DIAPH2: variants seen among roughly 807,000 people sequenced by gnomAD.
DIAPH2 encodes diaphanous related formin 2, also known as protein diaphanous homolog 2.
A neutral mutation model predicts 92.7 loss-of-function variants in DIAPH2; 35 were observed. The ratio of observed to expected loss-of-function variants is 0.38; its 90% CI spans 0.29 to 0.50. DIAPH2 has a LOEUF of 0.50. Among genes scored for constraint, DIAPH2 ranks in the 20% least tolerant of loss-of-function variants. DIAPH2 has a pLI of 0.94. For missense variants in DIAPH2, 701 were observed against 819.5 expected, an observed-to-expected ratio of 0.86 and a Z score of 1.77; for synonymous variants, 301 against 280.4, an observed-to-expected ratio of 1.07 and a Z score of -0.73.
At chrX:97,402,367 G>A (rs1472887639) in intron 25 of DIAPH2, among the ~76,000 whole-genome samples, 2 of 111,123 alleles carry the variant, frequency 1.8e-5, no homozygotes, top group African/African-American at 6.5e-5. Context: ...AACTGTTCAG[G>A]AACACATCTA....
rs2066965161 is a variant in DIAPH2, at chrX:97,109,540, TCTTTCCTGGGTTTA to T, written c.2350-5185_2350-5172del. ...GAGAATGCAGATAATTGTTTCCCCCTCTTTCCTGGGTTTAGAGAAAAAAATTCTCCTAAATCCTA... is the reference window on the plus strand; with the variant it reads ...GAGAATGCAGATAATTGTTTCCCCCTGAGAAAAAAATTCTCCTAAATCCTA... On this transcript the variant is annotated intron_variant, in intron 20 of 26. Coordinates refer to ENST00000324765, the MANE Select transcript of DIAPH2 (RefSeq NM_006729.5). Among the ~76,000 whole-genome samples the T allele has an allele frequency of 4.5e-5, 5 of 111,444 alleles. No homozygotes were observed. In the South Asian group the frequency reaches 1.9e-3, roughly 43 times the overall value.
intron 25 of DIAPH2, among the ~76,000 whole-genome samples, chrX:97,417,547 T>A (rs1402959181): frequency 9.0e-6 from 1 of 111,594 alleles, no homozygotes; most frequent in Non-Finnish European, 1.9e-5. Context: ...TGGTGTCACC[T>A]GCCTGTAATC....
At position 96,751,647 on chromosome X, in the gene DIAPH2, G is replaced by GTTTTTTTTTTTTTTTTTTTTT. The variant is rs1332024432; in HGVS notation, c.343-6503_343-6502insTTTTTTTTTTTTTTTTTTTTT. On this transcript the variant is annotated intron_variant, in intron 3 of 26. Transcript: ENST00000324765. ...TATAAATGGTCAACTAGACTTCAGT[G>GTTTTTTTTTTTTTTTTTTTTT]TTTTGTTTTTTTTTTTTTTTTTTTG... is the stretch of plus-strand genomic sequence containing the variant. Among the ~76,000 whole-genome samples, 11 of 85,006 alleles carry GTTTTTTTTTTTTTTTTTTTTT rather than the reference G, an allele frequency of 1.3e-4. 1 individual carries two copies. Among genetic ancestry groups the GTTTTTTTTTTTTTTTTTTTTT allele is most frequent in the East Asian group, 4.5e-4 (1 of 2,239 alleles). The allele number at this position is 85,006 out of a possible 115,157, so 73.8% of individuals were successfully genotyped here.
At chrX:97,182,289 C>T (rs1437960607) in intron 22 of DIAPH2, among the ~76,000 whole-genome samples, 1 of 111,728 alleles carries the variant, frequency 9.0e-6, no homozygotes, top group African/African-American at 3.3e-5. Flanking sequence ...ATAAGTAGTC[C>T]ATCTTGGCTG....
chrX:96,787,686 C>CTTTTTTTTT (rs56998803), intron 4 of DIAPH2, among the ~76,000 whole-genome samples: 9 of 54,736 alleles, frequency 1.6e-4, no homozygotes, highest in East Asian at 6.6e-4. Context: ...ACTCTTTTCT[C>CTTTTTTTTT]TTTTTTTTTT....
intron 17 of DIAPH2, among the ~76,000 whole-genome samples, chrX:97,054,481 CAGAGGAGGGAATAATTAATTCTGCTTGGA>C (rs928391056): frequency 9.0e-6 from 1 of 111,277 alleles, no homozygotes; most frequent in African/African-American, 3.3e-5. Context: ...TGTAGAGGCC[CAGAGGAGGGAATAATTAATTCTGCTTGGA>C]AGAGTTCAGG....
intron 26 of DIAPH2, among the ~76,000 whole-genome samples, chrX:97,583,247 G>T (rs150386360): frequency 1.9e-5 from 2 of 107,704 alleles, no homozygotes; most frequent in East Asian, 6.1e-4. Flanking sequence ...GAGGAGAGGC[G>T]CTCTGATTTT....
chrX:97,142,412 G>A (rs1472488083), intron 22 of DIAPH2, among the ~76,000 whole-genome samples: 1 of 111,337 alleles, frequency 9.0e-6, no homozygotes, highest in Admixed American at 9.6e-5. Flanking sequence ...AGGCAAAGTG[G>A]CAGAATGTTT....
rs768617699 is a variant in DIAPH2, at chrX:96,782,987, T to C, written c.447+24729T>C. On this transcript the variant is annotated intron_variant, in intron 4 of 26. Transcript: ENST00000324765. ...TGATAAAATTGCAATTCTGTTAACG[T>C]CTCTTAAAGTATTTTGTTTCTCCAC... Among the ~76,000 whole-genome samples the C allele has an allele frequency of 1.2e-4, 13 of 112,183 alleles. No individual in the cohort carries two copies. The South Asian group carries it at 4.1e-3, about 35-fold the overall frequency.
chrX:96,894,974 A>ATTTTTTTTTTTTT (rs766131166), intron 5 of DIAPH2, among the ~76,000 whole-genome samples: 6 of 59,542 alleles, frequency 1.0e-4, no homozygotes, highest in East Asian at 6.2e-4. Context: ...GTTTTTCTTA[A>ATTTTTTTTTTTTT]TTTTTTTTTT....
intron 4 of DIAPH2, among the ~76,000 whole-genome samples, chrX:96,774,576 C>T (rs1372078709): frequency 9.0e-6 from 1 of 111,708 alleles, no homozygotes; most frequent in Non-Finnish European, 1.9e-5. Flanking sequence ...ACCATATACT[C>T]AGCAATTTAA....
chrX:97,381,147 T>A (rs914568713), intron 24 of DIAPH2, among the ~76,000 whole-genome samples: 4 of 111,823 alleles, frequency 3.6e-5, no homozygotes, highest in Non-Finnish European at 7.5e-5. Context: ...ATATGAACTT[T>A]TTTTTTAGTT....
chrX:96,950,648 C>G lies in DIAPH2; in HGVS notation c.1614+1609C>G, dbSNP rs370722763. ...TTGTTGCCTAACTTTTCTCCCTCCT[C>G]AAATTCATCCTTTATGTCAGTGGCA... On this transcript the variant is annotated intron_variant, in intron 15 of 26. Transcript: ENST00000324765. 1.2e-3 allele frequency among the ~76,000 whole-genome samples: 130 copies of G among 111,915 alleles called. 1 individual carries two copies. The South Asian group carries it at 0.046, about 40-fold the overall frequency.
chrX:97,277,722 C>T (rs945681360), intron 23 of DIAPH2, among the ~76,000 whole-genome samples: 6 of 112,116 alleles, frequency 5.4e-5, no homozygotes, highest in Non-Finnish European at 1.1e-4. Flanking sequence ...TACCCTGTTC[C>T]TCAATCTGAA....
chrX:97,051,806 T>G (rs1432126144), intron 17 of DIAPH2, among the ~76,000 whole-genome samples: 1 of 111,762 alleles, frequency 8.9e-6, no homozygotes, highest in East Asian at 2.8e-4. Flanking sequence ...TGTGAAGAAC[T>G]TGGAGCAATC....
intron 26 of DIAPH2, among the ~76,000 whole-genome samples, chrX:97,576,420 G>C (rs1025744458): frequency 1.1e-4 from 12 of 111,756 alleles, no homozygotes; most frequent in African/African-American, 3.9e-4. Flanking sequence ...CAAGGAAAAG[G>C]ATAGTAGCAT....
intron 5 of DIAPH2, among the ~76,000 whole-genome samples, chrX:96,889,110 C>G (rs1243456825): frequency 1.8e-5 from 2 of 111,789 alleles, no homozygotes; most frequent in Non-Finnish European, 3.8e-5. Context: ...TTGTACTCAT[C>G]TATCAGCTTA....
intron 9 of DIAPH2, among the ~76,000 whole-genome samples, 183 bp downstream of exon 9, chrX:96,918,800 T>C (rs1211758580): frequency 8.9e-6 from 1 of 112,189 alleles, no homozygotes; most frequent in African/African-American, 3.2e-5. Context: ...TGAATTATTA[T>C]AAATGTGGCA....
intron 22 of DIAPH2, among the ~76,000 whole-genome samples, chrX:97,236,839 C>T (rs1441118147): frequency 9.0e-6 from 1 of 111,422 alleles, no homozygotes; most frequent in Non-Finnish European, 1.9e-5. Context: ...CCACCGCGCC[C>T]GGCGTGTAAA....
Sources: allele counts gnomAD v4.1 joint callset (sites outside exome capture counted in the v4.1 genomes callset), GRCh38; gene constraint gnomAD v4.1.1; transcripts MANE v1.5; gene names NCBI Gene and HGNC (gene_info 2026-07-23, HGNC 2026-07-21).